PTGR1: variants seen among roughly 807,000 people sequenced by gnomAD.
PTGR1 encodes 15-oxoprostaglandin 13-reductase.
PTGR1 carries 23 observed loss-of-function variants against 37.7 expected under a neutral mutation model. The ratio of observed to expected loss-of-function variants is 0.61; its 90% CI spans 0.44 to 0.86. The LOEUF is 0.86. Among genes scored for constraint, PTGR1 ranks in the 40% least tolerant of loss-of-function variants. The pLI is 0.00. For missense variants in PTGR1, 351 were observed against 394.3 expected, an observed-to-expected ratio of 0.89 and a Z score of 0.93; for synonymous variants, 134 against 140.0, an observed-to-expected ratio of 0.96 and a Z score of 0.30.
intron 3 of PTGR1, among the ~76,000 whole-genome samples, chr9:111,593,952 T>C (rs1829698626): frequency 6.7e-6 from 1 of 149,218 alleles, no homozygotes; most frequent in African/African-American, 2.5e-5. Context: ...TTTTTTTTTC[T>C]GGAAGTAATT....
rs1460232942 is a variant in PTGR1 at position 111,594,270 on chromosome 9, A to G, written c.107-3T>C. The G allele has an allele frequency of 6.2e-7, 1 of 1,613,176 alleles. No individual in the cohort carries two copies. Among genetic ancestry groups the G allele is most frequent in the East Asian group, 2.2e-5 (1 of 44,858 alleles). On this transcript the variant is annotated splice_polypyrimidine_tract_variant and splice_region_variant and intron_variant, in intron 2 of 9. Coordinates refer to ENST00000407693, the MANE Select transcript of PTGR1 (RefSeq NM_001146108.2). ...GAACAAAGCTTCAAGCAGGACCTCTACAAAATAAAGCATTCCATAGGCAAT... is the reference window on the plus strand; with the variant it reads ...GAACAAAGCTTCAAGCAGGACCTCTGCAAAATAAAGCATTCCATAGGCAAT...
At chr9:111,559,378 T>C (rs183683912), downstream of PTGR1, among the ~76,000 whole-genome samples, 45 of 152,106 alleles carry the variant, frequency 3.0e-4, 1 homozygote, top group East Asian at 7.9e-3. Flanking sequence ...AATGCCCTTC[T>C]CACCCTACTT....
At chr9:111,551,594 G>T (rs1336967294) in intron 9 of PTGR1, among the ~76,000 whole-genome samples, 1 of 151,786 alleles carries the variant, frequency 6.6e-6, no homozygotes, top group Admixed American at 6.6e-5. Context: ...TAGAGGCGGG[G>T]TTTCACTGTG....
chr9:111,586,077 T>TC lies in PTGR1; in HGVS notation c.297dup (p.Lys100GlufsTer36). 1 of 1,614,182 alleles carries TC rather than the reference T, an allele frequency of 6.2e-7. No individual in the cohort carries two copies. Among genetic ancestry groups the TC allele is most frequent in the South Asian group, 1.1e-5 (1 of 91,080 alleles). On this transcript the variant is annotated frameshift_variant, in exon 5 of 10. Coordinates refer to ENST00000407693, the MANE Select transcript of PTGR1 (RefSeq NM_001146108.2). LOFTEE classifies it high-confidence loss of function. Reference sequence around the variant, plus strand: ...TCTGTCAGCAGCTTTTCCAGATCTTTCCCATCAGAAATGGAGTGCGTTGTC... The same window carrying TC: ...TCTGTCAGCAGCTTTTCCAGATCTTTCCCCATCAGAAATGGAGTGCGTTGTC...
chr9:111,557,546 A>G (rs1309589271), intron 9 of PTGR1, among the ~76,000 whole-genome samples: 1 of 151,794 alleles, frequency 6.6e-6, no homozygotes, highest in East Asian at 2.0e-4. Context: ...CCCGGGTTCA[A>G]GTGATTCTCA....
downstream of PTGR1, among the ~76,000 whole-genome samples, chr9:111,562,246 T>C (rs1828348308): frequency 1.3e-5 from 2 of 151,070 alleles, no homozygotes. Context: ...AGATGAAAAA[T>C]CAGAAGTCTA....
chr9:111,550,112 T>G (rs567140252), intron 9 of PTGR1, among the ~76,000 whole-genome samples: 1 of 152,330 alleles, frequency 6.6e-6, no homozygotes, highest in African/African-American at 2.4e-5. Flanking sequence ...ATAGGCTGTC[T>G]CTGTGCTAGG....
rs71373753 is a variant in PTGR1, at chr9:111,594,549, C to CT, written c.107-283dup. On this transcript the variant is annotated intron_variant, in intron 2 of 9. Coordinates refer to ENST00000407693, the MANE Select transcript of PTGR1 (RefSeq NM_001146108.2). ...GCCTGATGCCTTCGTTTTTGGCATT[C>CT]TTTTTTTTTTTTTTTTTTTGAGAGG... is the stretch of plus-strand genomic sequence containing the variant. Among the ~76,000 whole-genome samples the CT allele has an allele frequency of 7.4e-3, 947 of 127,194 alleles. 29 individuals carry two copies. The highest frequency in any genetic ancestry group is 0.021 in the African/African-American group (715 of 34,062). The allele number at this position is 127,194 out of a possible 152,430, so 83.4% of individuals were successfully genotyped here. A position where few individuals can be genotyped will look rare whatever the true frequency, so the allele number is the denominator to read the frequency against.
At chr9:111,577,445 C>A (rs757506045) in intron 7 of PTGR1, 2 of 152,152 alleles carry the variant, frequency 1.3e-5, no homozygotes, top group Non-Finnish European at 2.9e-5. Context: ...TATGACCCAG[C>A]AATTCTACTC....
At position 111,589,353 on chromosome 9, in the gene PTGR1, G is replaced by A. The variant is rs945557467; in HGVS notation, c.210-3188C>T. On this transcript the variant is annotated intron_variant, in intron 4 of 9. Transcript: ENST00000407693. ...GAAATTCCAGTAAAGATCCATAGAC[G>A]ATTTCTACCAATGGTATTATAATAA... The A allele has an allele frequency of 1.6e-5, 14 of 883,732 alleles. No individual in the cohort carries two copies. In the East Asian group the frequency reaches 3.6e-4, roughly 23 times the overall value. The allele number at this position is 883,732 out of a possible 1,614,324, so 54.7% of individuals were successfully genotyped here. A position where few individuals can be genotyped will look rare whatever the true frequency, so the allele number is the denominator to read the frequency against.
intron 7 of PTGR1, among the ~76,000 whole-genome samples, chr9:111,575,956 C>A (rs1371008959): frequency 1.3e-5 from 2 of 151,990 alleles, no homozygotes; most frequent in African/African-American, 2.4e-5. Flanking sequence ...AAAGTGAAAG[C>A]CAGCCTGGGC....
chr9:111,580,814 C>T (rs535799028), intron 6 of PTGR1, among the ~76,000 whole-genome samples: 4 of 150,486 alleles, frequency 2.7e-5, no homozygotes, highest in Non-Finnish European at 4.4e-5. Context: ...TCAAAATTTT[C>T]ATTTGAATTA....
intron 4 of PTGR1, among the ~76,000 whole-genome samples, chr9:111,591,851 C>A (rs1829632746): frequency 6.6e-6 from 1 of 152,160 alleles, no homozygotes; most frequent in African/African-American, 2.4e-5. Flanking sequence ...ATTGTGAATA[C>A]AAAGTTGCAT....
intron 9 of PTGR1, among the ~76,000 whole-genome samples, chr9:111,551,492 C>G (rs1322673500): frequency 6.7e-6 from 1 of 149,306 alleles, no homozygotes; most frequent in African/African-American, 2.5e-5. Context: ...ACTGCAACCT[C>G]CGCCTCCTGG....
At chr9:111,560,972 TATAGAGAGAGAGAG>T (rs1188200902), downstream of PTGR1, among the ~76,000 whole-genome samples, 3 of 21,320 alleles carry the variant, frequency 1.4e-4, no homozygotes, top group Non-Finnish European at 2.6e-4. Flanking sequence ...TATATATATA[TATAGAGAGAGAGAG>T]AGAGAGAGAG....
intron 9 of PTGR1, among the ~76,000 whole-genome samples, chr9:111,568,516 T>C (rs1283187745): frequency 6.6e-6 from 1 of 152,206 alleles, no homozygotes; most frequent in South Asian, 2.1e-4. Context: ...TTATCAGTAA[T>C]TCTGATTTTG....
chr9:111,590,114 G>A (rs556891557), intron 4 of PTGR1, among the ~76,000 whole-genome samples: 9 of 152,062 alleles, frequency 5.9e-5, no homozygotes, highest in African/African-American at 1.4e-4. Context: ...CTGAACATAC[G>A]AGAAGCTTTT....
chr9:111,592,592 C>A, intron 4 of PTGR1: 2 of 202,858 alleles, frequency 9.9e-6, no homozygotes, highest in Admixed American at 5.5e-5. Context: ...TCTCAACCTG[C>A]CGATCCACCT....
At chr9:111,582,084 G>A (rs540597429) in intron 6 of PTGR1, among the ~76,000 whole-genome samples, 109 of 151,968 alleles carry the variant, frequency 7.2e-4, no homozygotes, top group Middle Eastern at 3.4e-3. Context: ...AGAGAAAAAA[G>A]AACAAAGAAA....
Sources: gnomAD v4.1 joint callset for allele counts (sites outside exome capture counted in the v4.1 genomes callset) on GRCh38, gnomAD v4.1.1 for gene constraint, MANE v1.5 for transcripts, NCBI Gene and HGNC (gene_info 2026-07-23, HGNC 2026-07-21) for gene names.